RBFOX1: variants seen among roughly 807,000 people sequenced by gnomAD.
The protein encoded by RBFOX1 is RNA binding fox-1 homolog 1.
A neutral mutation model predicts 57.7 loss-of-function variants in RBFOX1; 8 were observed. The observed-to-expected ratio is 0.14, with a 90% CI of 0.08 to 0.25. The LOEUF (loss-of-function observed/expected upper bound fraction) is 0.25, where lower values mean the gene tolerates loss of function less well. RBFOX1 is among the 10% of genes least tolerant of loss of function. The pLI is 1.00. For missense variants in RBFOX1, 611 were observed against 548.5 expected (o/e 1.11, Z -1.14); for synonymous variants, 326 against 222.4 (o/e 1.47, Z -4.15).
chr16:6,986,987 G>A (rs887077435), intron 3 of RBFOX1, among the ~76,000 whole-genome samples: 2 of 152,076 alleles, frequency 1.3e-5, no homozygotes, highest in Non-Finnish European at 2.9e-5. Flanking sequence ...TATTGTGTTT[G>A]CCAGGGTTTG....
At chr16:7,073,598 C>T (rs1466625542) in intron 4 of RBFOX1, among the ~76,000 whole-genome samples, 3 of 152,124 alleles carry the variant, frequency 2.0e-5, no homozygotes, top group Admixed American at 2.0e-4. Flanking sequence ...ATCCCAGCCC[C>T]TTTGGGAGGT....
At chr16:7,387,020 T>C (rs1220696457) in intron 4 of RBFOX1, among the ~76,000 whole-genome samples, 1 of 152,250 alleles carries the variant, frequency 6.6e-6, no homozygotes, top group Admixed American at 6.5e-5. Context: ...GCTGCATAAA[T>C]GTCTTCTCTT....
At chr16:6,962,867 G>A (rs7203600) in intron 3 of RBFOX1, among the ~76,000 whole-genome samples, 89,812 of 150,116 alleles carry the variant, frequency 0.6, 27,077 homozygotes, top group Non-Finnish European at 0.63. Flanking sequence ...CCTGTCTCAT[G>A]GAAAAAGGGA....
chr16:5,476,547 C>A (rs568804093), intron 2 of RBFOX1, among the ~76,000 whole-genome samples: 89 of 152,314 alleles, frequency 5.8e-4, no homozygotes, highest in African/African-American at 1.8e-3. Context: ...GAAGCTCAGC[C>A]CTGGCACTCA....
intron 4 of RBFOX1, among the ~76,000 whole-genome samples, chr16:7,170,788 T>C (rs2080536542): frequency 1.3e-5 from 2 of 152,200 alleles, no homozygotes. Context: ...GGAAAACATG[T>C]AGCTTATTAA....
rs57657274 is a variant in RBFOX1 at position 6,491,636 on chromosome 16, C to G, written c.-63-162967C>G. Among the ~76,000 whole-genome samples the G allele has an allele frequency of 5.9e-3, 903 of 152,170 alleles. 13 individuals are homozygous for G. Among genetic ancestry groups the G allele is most frequent in the African/African-American group, 0.021 (852 of 41,524 alleles). On this transcript the variant is annotated intron_variant, in intron 2 of 15. Coordinates refer to ENST00000550418, the MANE Select transcript of RBFOX1 (RefSeq NM_018723.4). Reference sequence around the variant, plus strand: ...AATAAGCTAGACACTGTACTAATTCCCAGATGTGCATTATTGGCCTGAATA... The same window carrying G: ...AATAAGCTAGACACTGTACTAATTCGCAGATGTGCATTATTGGCCTGAATA...
At chr16:5,858,525 C>G (rs1026871591) in intron 3 of RBFOX1, among the ~76,000 whole-genome samples, 8 of 152,214 alleles carry the variant, frequency 5.3e-5, no homozygotes, top group Non-Finnish European at 1.2e-4. Flanking sequence ...TCTTCTGCCT[C>G]TTGCTCCTCT....
chr16:5,700,702 A>G (rs552536109), intron 3 of RBFOX1, among the ~76,000 whole-genome samples: 5 of 152,282 alleles, frequency 3.3e-5, no homozygotes, highest in East Asian at 1.9e-4. Context: ...TGAGACTCCA[A>G]TTAGATGCAT....
intron 2 of RBFOX1, among the ~76,000 whole-genome samples, chr16:5,476,885 C>T (rs542320985): frequency 2.0e-4 from 31 of 152,274 alleles, no homozygotes; most frequent in African/African-American, 7.0e-4. Context: ...TCTAGTTCTC[C>T]CAGTTATTCA....
intron 3 of RBFOX1, among the ~76,000 whole-genome samples, chr16:6,805,920 A>T (rs1327092796): frequency 6.6e-6 from 1 of 152,106 alleles, no homozygotes; most frequent in Non-Finnish European, 1.5e-5. Flanking sequence ...TTCTTTACTC[A>T]TTGCTTTAGT....
At chr16:5,750,316 G>C (rs527353049) in intron 3 of RBFOX1, among the ~76,000 whole-genome samples, 5 of 152,324 alleles carry the variant, frequency 3.3e-5, no homozygotes, top group Admixed American at 1.3e-4. Flanking sequence ...CGGGGGTCAG[G>C]AACGTACTTG....
intron 4 of RBFOX1, among the ~76,000 whole-genome samples, chr16:7,363,695 TGGA>T (rs1293187678): frequency 1.3e-5 from 2 of 152,170 alleles, no homozygotes; most frequent in Non-Finnish European, 2.9e-5. Context: ...GTTGTTTTGT[TGGA>T]GGACAAAACC....
At chr16:7,674,892 C>G (rs527890415) in intron 13 of RBFOX1, among the ~76,000 whole-genome samples, 19 of 152,296 alleles carry the variant, frequency 1.2e-4, no homozygotes, top group African/African-American at 4.6e-4. Flanking sequence ...AAGTTCAAAC[C>G]AAGAGGCTTG....
At chr16:5,503,624 A>G (rs1160427486) in intron 2 of RBFOX1, among the ~76,000 whole-genome samples, 1 of 152,050 alleles carries the variant, frequency 6.6e-6, no homozygotes, top group African/African-American at 2.4e-5. Context: ...TTGTTATTGT[A>G]GTAGAGATGA....
At chr16:5,287,642 C>T (rs1395273295) in intron 1 of RBFOX1, among the ~76,000 whole-genome samples, 1 of 152,188 alleles carries the variant, frequency 6.6e-6, no homozygotes, top group Non-Finnish European at 1.5e-5. Context: ...CTCTACTTTG[C>T]TCTTGGTGTC....
intron 4 of RBFOX1, among the ~76,000 whole-genome samples, chr16:5,962,316 T>G (rs1183427079): frequency 6.6e-6 from 1 of 152,224 alleles, no homozygotes; most frequent in Non-Finnish European, 1.5e-5. Context: ...GTTCTCATCC[T>G]GACCCTGTAC....
intron 14 of RBFOX1, among the ~76,000 whole-genome samples, chr16:7,698,999 A>G (rs537851704): frequency 7.9e-5 from 12 of 152,340 alleles, no homozygotes; most frequent in African/African-American, 2.9e-4. Flanking sequence ...ATCAAATTCT[A>G]GAAGAATGCA....
intron 4 of RBFOX1, among the ~76,000 whole-genome samples, chr16:5,919,603 C>G (rs1285150265): frequency 6.6e-6 from 1 of 152,168 alleles, no homozygotes; most frequent in African/African-American, 2.4e-5. Flanking sequence ...CTCGGCCTCC[C>G]AAAGTGCTGG....
chr16:5,640,607 T>C (rs1329365211), intron 3 of RBFOX1, among the ~76,000 whole-genome samples: 1 of 148,956 alleles, frequency 6.7e-6, no homozygotes, highest in African/African-American at 2.5e-5. Flanking sequence ...GATACACACA[T>C]GCGCATACAT....
Sources: allele counts gnomAD v4.1 joint callset (sites outside exome capture counted in the v4.1 genomes callset), GRCh38; gene constraint gnomAD v4.1.1; transcripts MANE v1.5; gene names NCBI Gene and HGNC (gene_info 2026-07-23, HGNC 2026-07-21).